Variants in LIMS1 observed in about 807,000 individuals in gnomAD.
The protein encoded by LIMS1 is LIM and senescent cell antigen-like-containing domain protein 1.
Under a neutral mutation model 44.1 loss-of-function variants are expected in LIMS1, and 18 were observed. That is an observed-to-expected ratio of 0.41 (90% CI 0.28 to 0.61). The LOEUF (loss-of-function observed/expected upper bound fraction) is 0.61, where lower values mean the gene tolerates loss of function less well. LIMS1 is among the 20% of genes least tolerant of loss of function. The pLI, the probability that LIMS1 is intolerant of heterozygous loss-of-function variation, is 0.32. For missense variants in LIMS1, 201 were observed against 422.0 expected, an observed-to-expected ratio of 0.48 and a Z score of 4.59; for synonymous variants, 93 against 149.1, an observed-to-expected ratio of 0.62 and a Z score of 2.74.
chr2:108,548,406 A>G (rs910838651), intron 1 of LIMS1, among the ~76,000 whole-genome samples: 1 of 152,196 alleles, frequency 6.6e-6, no homozygotes, highest in Non-Finnish European at 1.5e-5. Context: ...GTTTAACACA[A>G]TTCCTTTATA....
rs1445610141 is a variant in LIMS1, at chr2:108,597,509, ACAT to A, written c.33-62093_33-62091del. Reference sequence around the variant, plus strand: ...AGAGGGTGATGTTTTCTAGCATACAACATCAAGTTCTTTCCGGCAGGTTGCCAT... The same window carrying A: ...AGAGGGTGATGTTTTCTAGCATACAACAAGTTCTTTCCGGCAGGTTGCCAT... On this transcript the variant is annotated intron_variant, in intron 1 of 9. Transcript: ENST00000544547. Among the ~76,000 whole-genome samples, 4 of 152,264 alleles carry A rather than the reference ACAT, an allele frequency of 2.6e-5. No homozygotes were observed. In the South Asian group the frequency reaches 8.3e-4, roughly 32 times the overall value.
chr2:108,626,632 A>T (rs7565691), intron 1 of LIMS1, among the ~76,000 whole-genome samples: 1 of 152,198 alleles, frequency 6.6e-6, no homozygotes, highest in South Asian at 2.1e-4. Flanking sequence ...TCTGTTTCTC[A>T]TTGAATGAGT....
intron 7 of LIMS1, among the ~76,000 whole-genome samples, 169 bp from the exon 8 acceptor site, chr2:108,677,810 T>C (rs992231998): frequency 4.2e-4 from 64 of 152,264 alleles, no homozygotes; most frequent in African/African-American, 1.5e-3. Flanking sequence ...TTTTAATTGA[T>C]GAGAGTGAAT....
At position 108,633,081 on chromosome 2, in the gene LIMS1, G is replaced by A. The variant is rs565468319; in HGVS notation, c.33-26524G>A. Among the ~76,000 whole-genome samples the A allele has an allele frequency of 1.1e-4, 17 of 152,310 alleles. 1 individual carries two copies. Among genetic ancestry groups the A allele is most frequent in the Admixed American group, 6.5e-4 (10 of 15,294 alleles). ...TCTGCTCTGAAATAGAACATTTAAT[G>A]TTCATCATGACGGCAGTGGAAGATT... On this transcript the variant is annotated intron_variant, in intron 1 of 9. Coordinates refer to ENST00000544547, the Ensembl canonical transcript of LIMS1.
At chr2:108,677,150 C>T (rs1692623757) in intron 7 of LIMS1, among the ~76,000 whole-genome samples, 1 of 152,176 alleles carries the variant, frequency 6.6e-6, no homozygotes, top group Non-Finnish European at 1.5e-5. Context: ...AGCATTTTTT[C>T]CACTCCCAGA....
chr2:108,572,707 A>G (rs998967790), intron 1 of LIMS1, among the ~76,000 whole-genome samples: 2 of 152,104 alleles, frequency 1.3e-5, no homozygotes, highest in Admixed American at 6.6e-5. Flanking sequence ...CTTGATGTGT[A>G]TAGGAGGAAT....
chr2:108,668,081 A>T (rs952880875), intron 2 of LIMS1, among the ~76,000 whole-genome samples: 2 of 152,170 alleles, frequency 1.3e-5, no homozygotes, highest in Non-Finnish European at 2.9e-5. Flanking sequence ...TCTAATTGAC[A>T]TAATAATTAC....
intron 8 of LIMS1, among the ~76,000 whole-genome samples, chr2:108,680,198 G>A (rs543528708): frequency 2.6e-5 from 4 of 151,290 alleles, no homozygotes; most frequent in South Asian, 2.1e-4. Context: ...GTGAAATCCC[G>A]TCTCTATTAA....
chr2:108,621,534 A>G (rs1156310988), intron 1 of LIMS1: 1 of 1,068,014 alleles, frequency 9.4e-7, no homozygotes, highest in African/African-American at 1.6e-5. Flanking sequence ...TTCATGCCTA[A>G]GTGGATGCAG....
chr2:108,543,024 A>G (rs574871767), intron 1 of LIMS1, among the ~76,000 whole-genome samples: 1 of 152,338 alleles, frequency 6.6e-6, no homozygotes, highest in South Asian at 2.1e-4. Flanking sequence ...CATTATATAC[A>G]CTGTACTATG....
At chr2:108,660,483 G>C (rs1691284055) in intron 2 of LIMS1, 1 of 365,688 alleles carries the variant, frequency 2.7e-6, no homozygotes, top group East Asian at 7.2e-5. Context: ...GCCCAGGCTA[G>C]AGTGTAGTGG....
intron 1 of LIMS1, among the ~76,000 whole-genome samples, chr2:108,556,496 A>G (rs1003792812): frequency 6.6e-6 from 1 of 152,224 alleles, no homozygotes; most frequent in African/African-American, 2.4e-5. Flanking sequence ...TTGCTGGATC[A>G]TATGGTAATT....
At chr2:108,618,189 C>G (rs1688034052) in intron 1 of LIMS1, among the ~76,000 whole-genome samples, 1 of 151,942 alleles carries the variant, frequency 6.6e-6, no homozygotes, top group African/African-American at 2.4e-5. Flanking sequence ...TTTTAGAGTG[C>G]TAAAATGAAA....
chr2:108,558,711 C>G (rs1685012414), intron 1 of LIMS1, among the ~76,000 whole-genome samples: 1 of 149,914 alleles, frequency 6.7e-6, no homozygotes, highest in Admixed American at 6.7e-5. Flanking sequence ...TACTCTGTCA[C>G]CCAGGCTGGA....
intron 8 of LIMS1, among the ~76,000 whole-genome samples, chr2:108,680,383 AAAAATT>A (rs1163936750): frequency 2.9e-5 from 4 of 139,838 alleles, no homozygotes; most frequent in Non-Finnish European, 6.4e-5. Context: ...AAAAAAAAAA[AAAAATT>A]AGCCAGGTGT....
chr2:108,534,431 G>A, exon 1 of LIMS1: 3 of 611,172 alleles, frequency 4.9e-6, no homozygotes, highest in South Asian at 1.5e-4. Context: ...CCGCGCGGCC[G>A]GCCCCTGGCC....
At chr2:108,537,563 T>G (rs1400445513) in intron 1 of LIMS1, among the ~76,000 whole-genome samples, 9 of 152,244 alleles carry the variant, frequency 5.9e-5, no homozygotes, top group Non-Finnish European at 1.3e-4. Context: ...ATTCACACTT[T>G]TCAGTGCTCT....
At chr2:108,649,374 G>A (rs1221900085) in intron 1 of LIMS1, among the ~76,000 whole-genome samples, 1 of 152,194 alleles carries the variant, frequency 6.6e-6, no homozygotes, top group African/African-American at 2.4e-5. Flanking sequence ...TACACTGTTG[G>A]TGGGAGTGTA....
intron 8 of LIMS1, chr2:108,678,667 C>A (rs1311097974): frequency 6.6e-6 from 1 of 152,196 alleles, no homozygotes; most frequent in Non-Finnish European, 1.5e-5. Context: ...GGAAAACAAT[C>A]TTTAGTGCCA....
Sources: allele counts gnomAD v4.1 joint callset (sites outside exome capture counted in the v4.1 genomes callset), GRCh38; gene constraint gnomAD v4.1.1; transcripts MANE v1.5; gene names NCBI Gene and HGNC (gene_info 2026-07-23, HGNC 2026-07-21).